Variants in CAST observed in about 807,000 individuals in gnomAD.
CAST encodes calpastatin.
Under a neutral mutation model 119.6 loss-of-function variants are expected in CAST, and 76 were observed. The ratio of observed to expected loss-of-function variants is 0.64; its 90% CI spans 0.53 to 0.77. The LOEUF is 0.77. CAST is among the 30% of genes least tolerant of loss of function. CAST has a pLI of 0.00. For synonymous variants in CAST, 319 were observed against 331.6 expected, an observed-to-expected ratio of 0.96 and a Z score of 0.41; for missense variants, 953 against 946.5, an observed-to-expected ratio of 1.01 and a Z score of -0.09.
the CAST span, among the ~76,000 whole-genome samples, chr5:96,182,862 G>A: frequency 6.6e-6 from 1 of 152,096 alleles, no homozygotes; most frequent in African/African-American, 2.4e-5. Context: ...TTTCTGGCCG[G>A]GCATGGTGGC....
intron 1 of CAST, among the ~76,000 whole-genome samples, chr5:96,669,159 G>A (rs1749741658): frequency 6.6e-6 from 1 of 152,214 alleles, no homozygotes; most frequent in Admixed American, 6.5e-5. Context: ...GACAGTTCTA[G>A]GATCTGCACC....
chr5:95,973,943 T>C, the CAST span, among the ~76,000 whole-genome samples: 1 of 151,982 alleles, frequency 6.6e-6, no homozygotes, highest in Non-Finnish European at 1.5e-5. Flanking sequence ...AAGACCCGTG[T>C]ACACTACAGC....
the CAST span, among the ~76,000 whole-genome samples, chr5:96,149,529 A>G: frequency 1.3e-5 from 2 of 151,896 alleles, no homozygotes; most frequent in Non-Finnish European, 1.5e-5. Flanking sequence ...GTGCCTCCCT[A>G]TTTTTCCAAG....
the CAST span, among the ~76,000 whole-genome samples, chr5:96,214,654 G>T: frequency 6.6e-6 from 1 of 152,104 alleles, no homozygotes; most frequent in Non-Finnish European, 1.5e-5. Flanking sequence ...CTTACATTCT[G>T]GGGAAGGCAG....
chr5:95,985,585 C>T, the CAST span, among the ~76,000 whole-genome samples: 1 of 152,154 alleles, frequency 6.6e-6, no homozygotes, highest in African/African-American at 2.4e-5. Context: ...ACATAGCTGG[C>T]CCCTGATGGA....
chr5:96,666,391 T>C (rs902338471), intron 1 of CAST, among the ~76,000 whole-genome samples: 1 of 152,242 alleles, frequency 6.6e-6, no homozygotes, highest in African/African-American at 2.4e-5. Flanking sequence ...GAATCATCAG[T>C]TGATTCTATT....
At chr5:96,209,514 T>C in the CAST span, among the ~76,000 whole-genome samples, 2 of 152,062 alleles carry the variant, frequency 1.3e-5, no homozygotes, top group African/African-American at 4.8e-5. Context: ...GGTCTGGTGA[T>C]AATTAATTCC....
the CAST span, among the ~76,000 whole-genome samples, chr5:96,407,161 A>G: frequency 6.6e-6 from 1 of 152,242 alleles, no homozygotes; most frequent in Non-Finnish European, 1.5e-5. Flanking sequence ...AAGAAGCCTT[A>G]AAGAAACAGA....
At chr5:96,008,107 A>G in the CAST span, among the ~76,000 whole-genome samples, 1 of 152,216 alleles carries the variant, frequency 6.6e-6, no homozygotes, top group South Asian at 2.1e-4. Context: ...CTAAAACTGT[A>G]AGAAATAAAT....
rs1403004163 is a variant in CAST at position 96,750,626 on chromosome 5, G to A, written c.1468G>A (p.Val490Met). ...AAAPAPVSEA[V>M]CRTSMCSIQS... ...TGCTCCAGCTCCTGTGTCGGAGGCT[G>A]TGTGTCGGACCTCCATGTGTAGTAT... The change falls in exon 20 of 32, where the codon GTG becomes ATG. Residue 490 changes from valine (V) to methionine (M), a missense_variant. Physicochemically the swap from Val to Met is conservative, Grantham distance 21 (BLOSUM62 1). Coordinates refer to ENST00000675179, the MANE Select transcript of CAST (RefSeq NM_001750.7). The A allele has an allele frequency of 1.2e-6, 2 of 1,613,150 alleles. No individual in the cohort carries two copies. The highest frequency in any genetic ancestry group is 1.3e-5 in the African/African-American group (1 of 74,854).
intron 16 of CAST, 79 bp downstream of exon 16, chr5:96,742,835 T>G: frequency 1.0e-6 from 1 of 983,194 alleles, no homozygotes; most frequent in Non-Finnish European, 1.6e-6. Flanking sequence ...TGTTTAGAAT[T>G]CTCGCACAAC....
chr5:96,188,059 A>G, the CAST span, among the ~76,000 whole-genome samples: 5 of 152,242 alleles, frequency 3.3e-5, no homozygotes, highest in African/African-American at 9.6e-5. Flanking sequence ...ATTCTCCCAC[A>G]GAACCTGGAT....
the CAST span, among the ~76,000 whole-genome samples, chr5:96,149,853 A>G: frequency 0.019 from 2,889 of 152,302 alleles, 63 homozygotes; most frequent in African/African-American, 0.058. Context: ...CTAAGATTTA[A>G]ACTTAGGTCT....
the CAST span, among the ~76,000 whole-genome samples, chr5:96,328,382 C>CCTCTCTCT: frequency 5.3e-5 from 1 of 18,918 alleles, no homozygotes; most frequent in East Asian, 9.0e-4. Context: ...CTTCTCTCTC[C>CCTCTCTCT]CTCTCTCTCT....
the CAST span, among the ~76,000 whole-genome samples, chr5:96,510,966 C>T: frequency 3.5e-4 from 54 of 152,150 alleles, no homozygotes; most frequent in Middle Eastern, 0.024. Context: ...AAGTCTCTTC[C>T]AGCCTAAAAC....
At chr5:96,618,788 C>T (rs1009634460) in intron 1 of CAST, among the ~76,000 whole-genome samples, 1 of 152,210 alleles carries the variant, frequency 6.6e-6, no homozygotes, top group East Asian at 1.9e-4. Flanking sequence ...CATGCCCGAG[C>T]CTCCCCCACC....
intron 2 of CAST, among the ~76,000 whole-genome samples, chr5:96,692,653 A>C (rs2150297152): frequency 6.6e-6 from 1 of 152,184 alleles, no homozygotes; most frequent in Middle Eastern, 3.4e-3. Flanking sequence ...TGGTTTCCAC[A>C]CAGCAGTCAG....
intron 3 of CAST, among the ~76,000 whole-genome samples, chr5:96,700,559 G>C (rs1753751851): frequency 6.6e-6 from 1 of 152,162 alleles, no homozygotes; most frequent in South Asian, 2.1e-4. Context: ...CAAGCTTCCA[G>C]TGGATGTGCT....
the CAST span, among the ~76,000 whole-genome samples, chr5:96,406,431 C>T: frequency 3.3e-5 from 5 of 152,174 alleles, no homozygotes; most frequent in Admixed American, 2.0e-4. Flanking sequence ...GGCCCAATAT[C>T]TATTTCTAAT....
Sources: gnomAD v4.1 joint callset for allele counts (sites outside exome capture counted in the v4.1 genomes callset) on GRCh38, gnomAD v4.1.1 for gene constraint, MANE v1.5 for transcripts, NCBI Gene and HGNC (gene_info 2026-07-23, HGNC 2026-07-21) for gene names.